The following PCDHA4 variants were observed in gnomAD, a reference collection of about 807,000 sequenced individuals.
PCDHA4 encodes protocadherin alpha 4, also known as protocadherin alpha-4.
A neutral mutation model predicts 61.4 loss-of-function variants in PCDHA4; 49 were observed. That is an observed-to-expected ratio of 0.80 (90% CI 0.63 to 1.01). The LOEUF (loss-of-function observed/expected upper bound fraction) is 1.01. Ranked by LOEUF, PCDHA4 falls within the 50% of genes least tolerant of loss-of-function variation. The pLI is 0.00. For missense variants in PCDHA4, 1,254 were observed against 1,235.8 expected, an observed-to-expected ratio of 1.01 and a Z score of -0.22; for synonymous variants, 590 against 550.3, an observed-to-expected ratio of 1.07 and a Z score of -1.01.
intron 2 of PCDHA4, chr5:140,982,259 G>A (rs2153828072): frequency 2.4e-6 from 2 of 820,856 alleles, no homozygotes; most frequent in South Asian, 4.9e-5. Context: ...GAACATGTGT[G>A]TTCCTGGAAT....
At chr5:140,871,077 G>GACGGCC (rs782552854) in intron 1 of PCDHA4, 6 of 1,613,222 alleles carry the variant, frequency 3.7e-6, no homozygotes, top group Non-Finnish European at 5.1e-6. Context: ...AGCCGGCGCT[G>GACGGCC]ACGGCCACGG....
chr5:140,897,548 A>G (rs1417180451), intron 1 of PCDHA4, among the ~76,000 whole-genome samples: 6 of 152,098 alleles, frequency 3.9e-5, no homozygotes, highest in Admixed American at 2.6e-4. Context: ...ATAGTCTTCC[A>G]TGGTGTATAT....
At chr5:140,877,811 GAGA>G in intron 1 of PCDHA4, 1 of 1,610,242 alleles carries the variant, frequency 6.2e-7, no homozygotes, top group African/African-American at 1.3e-5. Flanking sequence ...CAGCTGTCTC[GAGA>G]AGATTGTTTA....
intron 1 of PCDHA4, among the ~76,000 whole-genome samples, chr5:140,892,860 T>C (rs1554185404): frequency 6.6e-6 from 1 of 152,158 alleles, no homozygotes; most frequent in Non-Finnish European, 1.5e-5. Flanking sequence ...ATTCCTCCTG[T>C]GTAGCTATAA....
rs781869245 is a variant in PCDHA4 at position 140,809,333 on chromosome 5, C to T, written c.2146C>T (p.Leu716=). ...AVSSLLVLTL[L]LYTALRCSAL... ...GTCCAGCCTTTTGGTGCTCACGCTG[C>T]TGCTGTACACCGCGCTGCGGTGCTC... The change falls in exon 1 of 4, where the codon CTG becomes TTG. Residue 716 remains leucine (L), a synonymous_variant. Transcript: ENST00000530339. The T allele has an allele frequency of 1.2e-6, 2 of 1,614,092 alleles. No individual in the cohort carries two copies. The highest frequency in any genetic ancestry group is 2.2e-5 in the South Asian group (2 of 91,092).
intron 3 of PCDHA4, among the ~76,000 whole-genome samples, chr5:140,993,994 A>T (rs1393081374): frequency 6.6e-6 from 1 of 152,234 alleles, no homozygotes; most frequent in African/African-American, 2.4e-5. Context: ...CACTTAGGTC[A>T]GGCCAGGCTC....
At chr5:140,895,103 T>C (rs1459301220) in intron 1 of PCDHA4, among the ~76,000 whole-genome samples, 3 of 152,204 alleles carry the variant, frequency 2.0e-5, no homozygotes, top group Non-Finnish European at 4.4e-5. Flanking sequence ...GGGTTTTTGC[T>C]ACAAGAAGAC....
rs1456714222 is a variant in PCDHA4 at position 140,825,839 on chromosome 5, A to G, written c.2385+16267A>G. 5.2e-5 allele frequency: 8 copies of G among 152,498 alleles called. No individual in the cohort carries two copies. The East Asian group carries it at 1.5e-3, about 29-fold the overall frequency. 9.4% of individuals were successfully genotyped at this position (152,498 alleles called of 1,614,324 possible). On this transcript the variant is annotated intron_variant, in intron 1 of 3. Transcript: ENST00000530339. ...ACTTTTAGATTAAAAAAATAAATAT[A>G]CCATGATACAAACTCCCCTCTTGAG...
chr5:140,999,338 G>T (rs1451765927), intron 3 of PCDHA4, among the ~76,000 whole-genome samples: 2 of 152,126 alleles, frequency 1.3e-5, no homozygotes, highest in African/African-American at 2.4e-5. Context: ...TGATTTATAA[G>T]CCTTGTCTCT....
chr5:140,842,273 A>G, intron 1 of PCDHA4: 1 of 1,610,790 alleles, frequency 6.2e-7, no homozygotes, highest in Non-Finnish European at 8.5e-7. Flanking sequence ...CTTATACAAA[A>G]TCCTCATTGA....
Position 140,835,309 on chromosome 5 carries a change from A to G in PCDHA4, c.2385+25737A>G, listed in dbSNP as rs2150233650. On this transcript the variant is annotated intron_variant, in intron 1 of 3. Coordinates refer to ENST00000530339, the MANE Select transcript of PCDHA4 (RefSeq NM_018907.4). ...GCAATCACAGTGATAGGACATATGG[A>G]TTTTGAAGAAAGTAGAGCACACAAG... 9.3e-6 allele frequency: 15 copies of G among 1,612,924 alleles called. No homozygotes were observed. The African/African-American group carries it at 1.9e-4, about 20-fold the overall frequency.
chr5:140,895,874 C>T (rs1051774060), intron 1 of PCDHA4, among the ~76,000 whole-genome samples: 5 of 152,120 alleles, frequency 3.3e-5, no homozygotes, highest in Admixed American at 2.6e-4. Context: ...TGCAATGGCG[C>T]GATCTCGGCT....
chr5:140,869,059 C>T (rs782790799), intron 1 of PCDHA4: 1 of 1,555,654 alleles, frequency 6.4e-7, no homozygotes, highest in East Asian at 2.2e-5. Context: ...GAATCTGGTA[C>T]TGTAAGTGTA....
chr5:140,919,038 C>A (rs2078983263), intron 1 of PCDHA4, among the ~76,000 whole-genome samples: 1 of 152,046 alleles, frequency 6.6e-6, no homozygotes, highest in Non-Finnish European at 1.5e-5. Context: ...TAGTTGTTGT[C>A]CATTATTGGA....
intron 1 of PCDHA4, among the ~76,000 whole-genome samples, chr5:140,971,561 A>G (rs367567903): frequency 1.3e-3 from 195 of 152,186 alleles, no homozygotes; most frequent in African/African-American, 4.3e-3. Context: ...TTAAATTCCC[A>G]TGTTGGGCTT....
At chr5:140,829,220 C>G (rs149405425) in intron 1 of PCDHA4, 22 of 1,614,108 alleles carry the variant, frequency 1.4e-5, no homozygotes, top group Non-Finnish European at 1.8e-5. Flanking sequence ...CGTGAACGAC[C>G]TCGATTCAGG....
At chr5:140,947,238 A>G (rs1252869330) in intron 1 of PCDHA4, among the ~76,000 whole-genome samples, 2 of 151,618 alleles carry the variant, frequency 1.3e-5, no homozygotes, top group Non-Finnish European at 3.0e-5. Flanking sequence ...GGAAAAAAAA[A>G]TAAGATAATC....
intron 1 of PCDHA4, 155 bp downstream of exon 1, chr5:140,809,727 T>G: frequency 1.2e-6 from 1 of 813,498 alleles, no homozygotes; most frequent in South Asian, 1.9e-5. Flanking sequence ...TTATAGGACA[T>G]CAGAGCAATA....
At chr5:140,976,203 A>T (rs1301475935) in intron 1 of PCDHA4, among the ~76,000 whole-genome samples, 1 of 152,220 alleles carries the variant, frequency 6.6e-6, no homozygotes, top group East Asian at 1.9e-4. Flanking sequence ...GAAACTCAGA[A>T]GTAAAAAAGA....
Sources: allele counts gnomAD v4.1 joint callset (sites outside exome capture counted in the v4.1 genomes callset), GRCh38; gene constraint gnomAD v4.1.1; transcripts MANE v1.5; gene names NCBI Gene and HGNC (gene_info 2026-07-23, HGNC 2026-07-21).